Variants in SLC9A9 observed in about 807,000 individuals in gnomAD.
SLC9A9 encodes the protein solute carrier family 9 member A9.
A neutral mutation model predicts 77.8 loss-of-function variants in SLC9A9; 62 were observed. The observed-to-expected ratio is 0.80, with a 90% confidence interval of 0.65 to 0.98. The LOEUF is 0.98. SLC9A9 is among the 50% of genes least tolerant of loss of function. The pLI, the probability that SLC9A9 is intolerant of heterozygous loss-of-function variation, is 0.00. For synonymous variants in SLC9A9, 320 were observed against 283.5 expected, an observed-to-expected ratio of 1.13 and a Z score of -1.29; for missense variants, 775 against 774.9, an observed-to-expected ratio of 1.00 and a Z score of 0.00.
chr3:143,484,703 AC>A, intron 11 of SLC9A9, among the ~76,000 whole-genome samples: 1 of 152,138 alleles, frequency 6.6e-6, no homozygotes, highest in Non-Finnish European at 1.5e-5. Flanking sequence ...TTTTGATTTA[AC>A]TTTTGTTCTC....
intron 6 of SLC9A9, among the ~76,000 whole-genome samples, chr3:143,579,989 T>C (rs2037426315): frequency 6.6e-6 from 1 of 152,224 alleles, no homozygotes; most frequent in Non-Finnish European, 1.5e-5. Flanking sequence ...TTTGATCCTG[T>C]AATTGGATAA....
At chr3:143,801,692 C>G (rs1299694028) in intron 2 of SLC9A9, among the ~76,000 whole-genome samples, 1 of 152,214 alleles carries the variant, frequency 6.6e-6, no homozygotes, top group African/African-American at 2.4e-5. Context: ...CCAGCAAAGG[C>G]AGGCTATGCT....
intron 12 of SLC9A9, among the ~76,000 whole-genome samples, chr3:143,382,427 C>T (rs1384919292): frequency 6.6e-6 from 1 of 152,142 alleles, no homozygotes; most frequent in African/African-American, 2.4e-5. Context: ...GCCCCAAAAA[C>T]ACACATTCTG....
At chr3:143,535,661 A>C (rs763466437) in intron 9 of SLC9A9, among the ~76,000 whole-genome samples, 65 of 152,192 alleles carry the variant, frequency 4.3e-4, no homozygotes, top group Non-Finnish European at 7.2e-4. Context: ...GTAGTAGAAT[A>C]AGGTATTCTA....
chr3:143,312,097 T>C (rs1009409617), intron 14 of SLC9A9, among the ~76,000 whole-genome samples: 1 of 152,190 alleles, frequency 6.6e-6, no homozygotes, highest in Non-Finnish European at 1.5e-5. Context: ...TTACAGGGAT[T>C]CAAAACACTG....
At chr3:143,281,847 G>T (rs1938230153) in intron 14 of SLC9A9, among the ~76,000 whole-genome samples, 1 of 152,178 alleles carries the variant, frequency 6.6e-6, no homozygotes, top group African/African-American at 2.4e-5. Context: ...TTACGTCCTT[G>T]CTAGATACTA....
chr3:143,776,666 G>A (rs2007701540), intron 4 of SLC9A9, among the ~76,000 whole-genome samples: 1 of 152,038 alleles, frequency 6.6e-6, no homozygotes, highest in Non-Finnish European at 1.5e-5. Flanking sequence ...TTAATAAAAT[G>A]AAAAAGACTC....
chr3:143,529,222 C>T (rs2036462269), intron 9 of SLC9A9, among the ~76,000 whole-genome samples: 1 of 152,168 alleles, frequency 6.6e-6, no homozygotes, highest in Non-Finnish European at 1.5e-5. Context: ...ATCTTATGAT[C>T]AGAACCGCAA....
intron 2 of SLC9A9, among the ~76,000 whole-genome samples, chr3:143,814,397 C>G (rs187482702): frequency 6.1e-4 from 93 of 152,152 alleles, no homozygotes; most frequent in Admixed American, 2.8e-3. Context: ...AGCCAAGGAT[C>G]AAGGACAGAA....
intron 4 of SLC9A9, among the ~76,000 whole-genome samples, chr3:143,700,096 C>A (rs181507348): frequency 6.6e-6 from 1 of 151,698 alleles, no homozygotes; most frequent in Non-Finnish European, 1.5e-5. Flanking sequence ...CAGAAGGGAA[C>A]CCACTGCCTT....
rs139365043 is a variant in SLC9A9 at position 143,303,987 on chromosome 3, T to A, written c.1605-35007A>T. 4.6e-5 allele frequency among the ~76,000 whole-genome samples: 7 copies of A among 152,346 alleles called. No individual in the cohort carries two copies. The East Asian group carries it at 1.3e-3, about 29-fold the overall frequency. On this transcript the variant is annotated intron_variant, in intron 14 of 15. Coordinates refer to ENST00000316549, the MANE Select transcript of SLC9A9 (RefSeq NM_173653.4). Reference sequence around the variant, plus strand: ...AAACCAAAATACTCCACTGGACATTTACTGGCACAGATTTCCAGAAAACAT... The same window carrying A: ...AAACCAAAATACTCCACTGGACATTAACTGGCACAGATTTCCAGAAAACAT...
At position 143,517,031 on chromosome 3, in the gene SLC9A9, A is replaced by T. The variant is rs543798634; in HGVS notation, c.1090-21583T>A. On this transcript the variant is annotated intron_variant, in intron 9 of 15. Transcript: ENST00000316549. Reference sequence around the variant, plus strand: ...TTTGAGCAATTTCTGTTTATTGAGTAATTGAAATTCTTGTTTAATAAATAG... The same window carrying T: ...TTTGAGCAATTTCTGTTTATTGAGTTATTGAAATTCTTGTTTAATAAATAG... 2.0e-5 allele frequency: 15 copies of T among 752,104 alleles called. No individual in the cohort carries two copies. In the African/African-American group the frequency reaches 2.6e-4, roughly 13 times the overall value. 46.6% of individuals were successfully genotyped at this position (752,104 alleles called of 1,614,324 possible). A position where few individuals can be genotyped will look rare whatever the true frequency, so the allele number is the denominator to read the frequency against.
At chr3:143,551,859 G>T (rs2036893019) in intron 9 of SLC9A9, among the ~76,000 whole-genome samples, 1 of 152,212 alleles carries the variant, frequency 6.6e-6, no homozygotes, top group African/African-American at 2.4e-5. Flanking sequence ...AATGTCTGTG[G>T]AAAGAATCTG....
chr3:143,534,999 C>A (rs2036570191), intron 9 of SLC9A9, among the ~76,000 whole-genome samples: 1 of 151,842 alleles, frequency 6.6e-6, no homozygotes, highest in Admixed American at 6.6e-5. Context: ...AAGGTTGAGG[C>A]CTTAAAAAAA....
chr3:143,578,503 G>A, intron 7 of SLC9A9, 82 bp downstream of exon 7: 1 of 1,602,094 alleles, frequency 6.2e-7, no homozygotes. Context: ...TATGGGCCTG[G>A]AGGTTGTCCA....
In SLC9A9 at chr3:143,363,501, C is replaced by T. The variant is rs1372332936; in HGVS notation, c.1587G>A (p.Trp529Ter). The T allele has an allele frequency of 1.2e-6, 2 of 1,612,918 alleles. No individual in the cohort carries two copies. The highest frequency in any genetic ancestry group is 1.7e-6 in the Non-Finnish European group (2 of 1,179,260). Residue 529 changes from tryptophan to a stop codon, truncating the protein, a stop_gained, in exon 14 of 16, where the codon TGG becomes TGA. Coordinates refer to ENST00000316549, the MANE Select transcript of SLC9A9 (RefSeq NM_173653.4). LOFTEE classifies it high-confidence loss of function. ...KAESARLFRM[W>*]YSFDHKYLKP... ...AAGGATACTTGTGGTCAAAGCTATA[C>T]CACATTCTGAAGAGCCGAGCACTCT...
At chr3:143,422,285 A>T (rs1438301603) in intron 12 of SLC9A9, among the ~76,000 whole-genome samples, 1 of 152,226 alleles carries the variant, frequency 6.6e-6, no homozygotes, top group Non-Finnish European at 1.5e-5. Context: ...TCTACCAAAA[A>T]GACACATTCA....
At chr3:143,579,274 C>A (rs1474149478) in intron 6 of SLC9A9, among the ~76,000 whole-genome samples, 2 of 152,162 alleles carry the variant, frequency 1.3e-5, no homozygotes, top group Non-Finnish European at 2.9e-5. Context: ...ACAGTACTAA[C>A]CCCCATGGAG....
At chr3:143,416,397 C>T (rs2034191290) in intron 12 of SLC9A9, among the ~76,000 whole-genome samples, 1 of 152,036 alleles carries the variant, frequency 6.6e-6, no homozygotes, top group Non-Finnish European at 1.5e-5. Context: ...TGTGGCAAAC[C>T]TCATGATTGT....
Sources: allele counts gnomAD v4.1 joint callset (sites outside exome capture counted in the v4.1 genomes callset), GRCh38; gene constraint gnomAD v4.1.1; transcripts MANE v1.5; gene names NCBI Gene and HGNC (gene_info 2026-07-23, HGNC 2026-07-21).